Variants in AKR1C3 observed in about 807,000 individuals in gnomAD.
AKR1C3 encodes aldo-keto reductase family 1 member C3, also known as 3-alpha hydroxysteroid dehydrogenase, type II.
Under a neutral mutation model 43.6 loss-of-function variants are expected in AKR1C3, and 48 were observed. The observed-to-expected ratio is 1.10, with a 90% CI of 0.87 to 1.40. AKR1C3 has a LOEUF of 1.40. Ranked by LOEUF, AKR1C3 falls within the 40% of genes most tolerant of loss-of-function variation. AKR1C3 has a pLI of 0.00. For missense variants in AKR1C3, 482 were observed against 391.2 expected (o/e 1.23, Z -1.96); for synonymous variants, 162 against 139.6 (o/e 1.16, Z -1.13).
intron 1 of AKR1C3, among the ~76,000 whole-genome samples, chr10:5,063,103 T>G (rs563344266): frequency 1.9e-3 from 293 of 152,306 alleles, no homozygotes; most frequent in African/African-American, 6.6e-3. Context: ...TGGCAAAATA[T>G]GAAAACATGT....
intron 1 of AKR1C3, among the ~76,000 whole-genome samples, chr10:5,066,427 A>G (rs1406089387): frequency 6.6e-6 from 1 of 152,182 alleles, no homozygotes; most frequent in Non-Finnish European, 1.5e-5. Flanking sequence ...CCATCTCAGC[A>G]TGTCATTGAC....
intron 1 of AKR1C3, among the ~76,000 whole-genome samples, chr10:5,063,765 CAAAA>C (rs71391987): frequency 1.3e-4 from 6 of 46,432 alleles, no homozygotes; most frequent in Admixed American, 3.9e-4. Context: ...TCTGTCTCAG[CAAAA>C]AAAAAAAAAA....
chr10:5,052,091 T>C (rs1439299407), intron 1 of AKR1C3, among the ~76,000 whole-genome samples: 2 of 152,156 alleles, frequency 1.3e-5, no homozygotes, highest in Non-Finnish European at 2.9e-5. Flanking sequence ...TTCCTTCTGA[T>C]GTTCGGACGT....
chr10:5,091,507 C>T (rs1166433697), upstream of AKR1C3, among the ~76,000 whole-genome samples: 1 of 152,116 alleles, frequency 6.6e-6, no homozygotes, highest in East Asian at 1.9e-4. Flanking sequence ...TTCATATCCT[C>T]ATATCCTTAA....
intron 1 of AKR1C3, among the ~76,000 whole-genome samples, chr10:5,070,799 G>C (rs1240007998): frequency 1.3e-5 from 2 of 152,220 alleles, no homozygotes; most frequent in East Asian, 3.9e-4. Flanking sequence ...CACTAAATTT[G>C]TCTGCACTTG....
chr10:5,057,044 G>A lies in AKR1C3; in HGVS notation c.84+8149G>A, dbSNP rs562134308. Reference sequence around the variant, plus strand: ...AGTGAGGGTGAAGACATGAGCTGACGCTTGCCCTGGGTACCCTCAGTCCTA... The same window carrying A: ...AGTGAGGGTGAAGACATGAGCTGACACTTGCCCTGGGTACCCTCAGTCCTA... On this transcript the variant is annotated intron_variant, in intron 1 of 8. Transcript: ENST00000439082. 1.5e-4 allele frequency among the ~76,000 whole-genome samples: 23 copies of A among 152,298 alleles called. No individual in the cohort carries two copies. The South Asian group carries it at 4.8e-3, about 32-fold the overall frequency.
intron 8 of AKR1C3, among the ~76,000 whole-genome samples, chr10:5,107,130 TACAGTAG>T (rs1216644363): frequency 2.0e-5 from 3 of 152,332 alleles, no homozygotes; most frequent in Non-Finnish European, 2.9e-5. Context: ...ATATATTGCA[TACAGTAG>T]ACAGTAGCAG....
intron 5 of AKR1C3, 112 bp from the exon 6 acceptor site, chr10:5,101,989 G>C (rs113413701): frequency 7.5e-6 from 5 of 665,782 alleles, no homozygotes; most frequent in Non-Finnish European, 1.3e-5. Flanking sequence ...AATATCCTCA[G>C]CTCAAATATA....
At chr10:5,101,493 A>G (rs1429299427) in intron 5 of AKR1C3, among the ~76,000 whole-genome samples, 2 of 152,202 alleles carry the variant, frequency 1.3e-5, no homozygotes, top group Admixed American at 1.3e-4. Context: ...CTAAATATCA[A>G]TTTCCTAAGA....
At chr10:5,094,865 T>G (rs1839172364) in intron 1 of AKR1C3, among the ~76,000 whole-genome samples, 1 of 152,156 alleles carries the variant, frequency 6.6e-6, no homozygotes, top group African/African-American at 2.4e-5. Flanking sequence ...TTTCTCTGTT[T>G]CTACAACTGA....
At chr10:5,083,224 G>A (rs554191739) in intron 1 of AKR1C3, among the ~76,000 whole-genome samples, 34 of 151,754 alleles carry the variant, frequency 2.2e-4, no homozygotes, top group Non-Finnish European at 3.8e-4. Context: ...TATCCCTCCC[G>A]ACTCCCCCCA....
chr10:5,099,213 T>A, intron 4 of AKR1C3, 114 bp from the exon 5 acceptor site: 1 of 1,536,276 alleles, frequency 6.5e-7, no homozygotes, highest in Non-Finnish European at 8.8e-7. Flanking sequence ...CAATCACTGC[T>A]AGCTATTTTC....
At chr10:5,075,834 A>T (rs1669077817) in intron 1 of AKR1C3, among the ~76,000 whole-genome samples, 1 of 151,864 alleles carries the variant, frequency 6.6e-6, no homozygotes, top group South Asian at 2.1e-4. Context: ...AGATCATGCC[A>T]TTGCACTCTA....
At chr10:5,073,961 A>T (rs1838660552) in intron 1 of AKR1C3, among the ~76,000 whole-genome samples, 1 of 152,172 alleles carries the variant, frequency 6.6e-6, no homozygotes, top group Non-Finnish European at 1.5e-5. Context: ...GGAACTGCTC[A>T]GCACAAACTT....
chr10:5,050,453 C>T lies in AKR1C3; in HGVS notation c.84+1558C>T, dbSNP rs150822291. On this transcript the variant is annotated intron_variant, in intron 1 of 8. Transcript: ENST00000439082. ...CTTTGAAGGTTTTAGTAGTCATAGACAGTAACTCATGTAATGAGGGAAAAC... is the reference window on the plus strand; with the variant it reads ...CTTTGAAGGTTTTAGTAGTCATAGATAGTAACTCATGTAATGAGGGAAAAC... 2.2e-3 allele frequency among the ~76,000 whole-genome samples: 333 copies of T among 152,310 alleles called. 2 individuals are homozygous for T. Among genetic ancestry groups the T allele is most frequent in the African/African-American group, 7.8e-3 (323 of 41,570 alleles).
chr10:5,097,253 G>T lies in AKR1C3; in HGVS notation c.253-181G>T, dbSNP rs180995018. Among the ~76,000 whole-genome samples the T allele has an allele frequency of 3.3e-5, 5 of 152,102 alleles. No homozygotes were observed. The East Asian group carries it at 7.7e-4, about 23-fold the overall frequency. ...TAGATGTACAAACTATACATCCAAC[G>T]TATAATAAAGTTTATAAGGATAGGT... On this transcript the variant is annotated intron_variant, in intron 2 of 8. Coordinates refer to ENST00000380554, the MANE Select transcript of AKR1C3 (RefSeq NM_003739.6).
chr10:5,049,008 T>TAGGGAAACTCAGGTTG, intron 1 of AKR1C3: 1 of 814,790 alleles, frequency 1.2e-6, no homozygotes, highest in Non-Finnish European at 2.1e-6. Flanking sequence ...GACTCCAACC[T>TAGGGAAACTCAGGTTG]GAGTTTCCCT....
chr10:5,094,633 A>G (rs1554784900), intron 1 of AKR1C3, 105 bp downstream of exon 1: 10 of 1,272,762 alleles, frequency 7.9e-6, no homozygotes, highest in Non-Finnish European at 1.1e-5. Context: ...ACTCTGGATG[A>G]CTCACTGGTC....
intron 4 of AKR1C3, 124 bp from the exon 5 acceptor site, chr10:5,099,203 C>T: frequency 6.7e-7 from 1 of 1,489,610 alleles, no homozygotes. Context: ...CTTTTTTTGA[C>T]AATCACTGCT....
Sources: gnomAD v4.1 joint callset for allele counts (sites outside exome capture counted in the v4.1 genomes callset) on GRCh38, gnomAD v4.1.1 for gene constraint, MANE v1.5 for transcripts, NCBI Gene and HGNC (gene_info 2026-07-23, HGNC 2026-07-21) for gene names.